The following ATL2 variants were observed in gnomAD, a reference collection of about 807,000 sequenced individuals.
The protein encoded by ATL2 is atlastin GTPase 2.
A neutral mutation model predicts 73.9 loss-of-function variants in ATL2; 31 were observed. The ratio of observed to expected loss-of-function variants is 0.42; its 90% CI spans 0.32 to 0.57. The LOEUF is 0.57. Among genes scored for constraint, ATL2 ranks in the 20% least tolerant of loss-of-function variants. ATL2 has a pLI of 0.14. For missense variants in ATL2, 738 were observed against 702.6 expected, an observed-to-expected ratio of 1.05 and a Z score of -0.57; for synonymous variants, 291 against 237.5, an observed-to-expected ratio of 1.23 and a Z score of -2.07.
At chr2:38,376,861 G>A (rs1434519886) in intron 1 of ATL2, among the ~76,000 whole-genome samples, 15 of 150,696 alleles carry the variant, frequency 1.0e-4, no homozygotes. Context: ...CAGCCACGCG[G>A]CGGGCTGGCG....
intron 1 of ATL2, among the ~76,000 whole-genome samples, chr2:38,357,449 G>GA (rs202158026): frequency 6.8e-4 from 94 of 137,922 alleles, no homozygotes; most frequent in Admixed American, 2.5e-3. Context: ...TGGGATTAAG[G>GA]AAAAAAAAAA....
At chr2:38,310,047 A>G (rs111673186) in intron 8 of ATL2, among the ~76,000 whole-genome samples, 84 of 152,340 alleles carry the variant, frequency 5.5e-4, no homozygotes, top group African/African-American at 2.0e-3. Flanking sequence ...TTGAAAAGAA[A>G]TGCTCTCAGC....
At chr2:38,355,895 A>G (rs1670634322) in intron 1 of ATL2, among the ~76,000 whole-genome samples, 1 of 151,714 alleles carries the variant, frequency 6.6e-6, no homozygotes, top group Admixed American at 6.6e-5. Flanking sequence ...AGGTTTCACC[A>G]TTTTGGCCAG....
chr2:38,365,947 C>CG (rs1553342318), intron 1 of ATL2, among the ~76,000 whole-genome samples: 1 of 146,748 alleles, frequency 6.8e-6, no homozygotes, highest in African/African-American at 2.5e-5. Flanking sequence ...AACTCTGTCT[C>CG]AAAAAAAAAG....
At chr2:38,364,171 A>G (rs1671170619) in intron 1 of ATL2, among the ~76,000 whole-genome samples, 1 of 152,176 alleles carries the variant, frequency 6.6e-6, no homozygotes, top group African/African-American at 2.4e-5. Flanking sequence ...CTGAGGCAGA[A>G]GAATCACTTG....
rs1188034634 is a variant in ATL2, at chr2:38,343,532, A to C, written c.119-20T>G. ...TCTCACCTAGAATTTAAAAAGAAAG[A>C]AACTGGTTACTTTAATCCCTATATT... is the stretch of plus-strand genomic sequence containing the variant. On this transcript the variant is annotated intron_variant, in intron 1 of 12. Coordinates refer to ENST00000378954, the MANE Select transcript of ATL2 (RefSeq NM_001135673.4). 7 of 1,594,166 alleles carry C rather than the reference A, an allele frequency of 4.4e-6. No homozygotes were observed. The highest frequency in any genetic ancestry group is 5.1e-6 in the Non-Finnish European group (6 of 1,170,294).
chr2:38,365,198 C>A (rs908813836), intron 1 of ATL2, among the ~76,000 whole-genome samples: 1 of 151,520 alleles, frequency 6.6e-6, no homozygotes, highest in Admixed American at 6.6e-5. Context: ...CAAATACACA[C>A]ACACACAAAT....
At chr2:38,334,028 CTTT>C (rs34303299) in intron 2 of ATL2, among the ~76,000 whole-genome samples, 5 of 121,620 alleles carry the variant, frequency 4.1e-5, no homozygotes, top group Non-Finnish European at 1.7e-5. Context: ...ATCCAATCCT[CTTT>C]TTTTTTTTTT....
intron 1 of ATL2, among the ~76,000 whole-genome samples, chr2:38,358,090 T>C (rs1296281650): frequency 2.0e-5 from 3 of 152,170 alleles, no homozygotes; most frequent in Non-Finnish European, 4.4e-5. Context: ...TTATTATCAA[T>C]CCAAGATGAT....
At chr2:38,306,516 C>T (rs1017833145) in intron 9 of ATL2, among the ~76,000 whole-genome samples, 7 of 152,168 alleles carry the variant, frequency 4.6e-5, no homozygotes, top group African/African-American at 1.7e-4. Context: ...TTCAACAACA[C>T]ATTAAAAAGA....
At chr2:38,304,190 A>G (rs946713658) in intron 9 of ATL2, among the ~76,000 whole-genome samples, 3 of 152,316 alleles carry the variant, frequency 2.0e-5, no homozygotes, top group Middle Eastern at 3.4e-3. Flanking sequence ...AAGAGTTCCA[A>G]CACATCTGGG....
At chr2:38,331,263 C>T (rs1435203282) in intron 2 of ATL2, among the ~76,000 whole-genome samples, 1 of 151,806 alleles carries the variant, frequency 6.6e-6, no homozygotes, top group African/African-American at 2.4e-5. Context: ...TGGTAAAACT[C>T]GATCTCTACT....
chr2:38,301,702 C>A (rs916946405), intron 9 of ATL2, among the ~76,000 whole-genome samples: 29 of 152,338 alleles, frequency 1.9e-4, no homozygotes, highest in African/African-American at 6.7e-4. Context: ...AGTCCTGCCA[C>A]CATGGGCTAC....
In ATL2 at chr2:38,294,259, AAACT is replaced by A. The variant is rs1666763720; in HGVS notation, c.*1731_*1734del. 6.6e-6 allele frequency among the ~76,000 whole-genome samples: 1 copy of A among 152,238 alleles called. No homozygotes were observed. The highest frequency in any genetic ancestry group is 2.4e-5 in the African/African-American group (1 of 41,478). On this transcript the variant is annotated 3_prime_UTR_variant, in exon 13 of 13. Transcript: ENST00000378954. Reference sequence around the variant, plus strand: ...CCTGCATTCTCTTCGCTTAAAAAGCAAACTAAGGGCCGGGCGCGGTGGCTCACGC... The same window carrying A: ...CCTGCATTCTCTTCGCTTAAAAAGCAAAGGGCCGGGCGCGGTGGCTCACGC...
intron 1 of ATL2, among the ~76,000 whole-genome samples, chr2:38,365,774 G>C (rs1390081308): frequency 6.6e-6 from 1 of 151,896 alleles, no homozygotes; most frequent in African/African-American, 2.4e-5. Context: ...GACAGAATGA[G>C]ACTCCATCTC....
chr2:38,372,198 C>T (rs753824958), intron 1 of ATL2, among the ~76,000 whole-genome samples: 46 of 144,366 alleles, frequency 3.2e-4, no homozygotes, highest in Middle Eastern at 4.0e-3. Flanking sequence ...GTTTGAAAAG[C>T]CAATGCACTA....
At chr2:38,336,056 G>A (rs1381684027) in intron 2 of ATL2, among the ~76,000 whole-genome samples, 1 of 152,096 alleles carries the variant, frequency 6.6e-6, no homozygotes, top group African/African-American at 2.4e-5. Flanking sequence ...AAAATAAAAA[G>A]ACCCAAGGAA....
At chr2:38,351,522 T>A (rs984825831) in intron 1 of ATL2, among the ~76,000 whole-genome samples, 1 of 151,434 alleles carries the variant, frequency 6.6e-6, no homozygotes, top group African/African-American at 2.4e-5. Context: ...GAGACAGAGT[T>A]TTGCTCTGTT....
At chr2:38,320,517 C>G (rs1166924962) in intron 2 of ATL2, among the ~76,000 whole-genome samples, 1 of 151,948 alleles carries the variant, frequency 6.6e-6, no homozygotes, top group Non-Finnish European at 1.5e-5. Flanking sequence ...TAACTAGAAC[C>G]ACAGGGCTAA....
Sources: allele counts gnomAD v4.1 joint callset (sites outside exome capture counted in the v4.1 genomes callset), GRCh38; gene constraint gnomAD v4.1.1; transcripts MANE v1.5; gene names NCBI Gene and HGNC (gene_info 2026-07-23, HGNC 2026-07-21).